Variants in CAMK2D observed in about 807,000 individuals in gnomAD.
CAMK2D encodes calcium/calmodulin-dependent protein kinase type II subunit delta.
A neutral mutation model predicts 84.0 loss-of-function variants in CAMK2D; 37 were observed. That is an observed-to-expected ratio of 0.44 (90% confidence interval 0.34 to 0.58). The LOEUF (loss-of-function observed/expected upper bound fraction) is 0.58, where lower values mean the gene tolerates loss of function less well. CAMK2D is among the 20% of genes least tolerant of loss of function. The pLI is 0.02. For synonymous variants in CAMK2D, 202 were observed against 212.5 expected (o/e 0.95, Z 0.43); for missense variants, 448 against 652.5 (o/e 0.69, Z 3.41).
intron 16 of CAMK2D, among the ~76,000 whole-genome samples, chr4:113,477,764 A>G (rs1435172319): frequency 2.7e-5 from 4 of 150,472 alleles, no homozygotes; most frequent in Non-Finnish European, 5.9e-5. Flanking sequence ...AAAAAAAAGA[A>G]TATTGGGGCC....
intron 4 of CAMK2D, among the ~76,000 whole-genome samples, chr4:113,570,186 T>C (rs750115224): frequency 1.1e-4 from 17 of 152,166 alleles, no homozygotes; most frequent in Non-Finnish European, 2.2e-4. Flanking sequence ...TGTTGTTTAA[T>C]TAAGTTCATA....
Position 113,662,621 on chromosome 4 carries a change from A to G in CAMK2D, c.161-849T>C, listed in dbSNP as rs146535667. On this transcript the variant is annotated intron_variant, in intron 2 of 20. Transcript: ENST00000511664. The stretch of plus-strand genomic sequence containing the variant: ...ACAACCACCATCTTATATTGGCAAT[A>G]TTATCCCTATTTTAAAATACAAATG... Among the ~76,000 whole-genome samples the G allele has an allele frequency of 1.2e-3, 176 of 152,272 alleles. 3 individuals carry two copies. Among genetic ancestry groups the G allele is most frequent in the African/African-American group, 4.2e-3 (173 of 41,566 alleles).
chr4:113,503,282 A>C (rs1314484585), intron 14 of CAMK2D: 1 of 608,000 alleles, frequency 1.6e-6, no homozygotes, highest in East Asian at 3.8e-5. Flanking sequence ...ACTTAATCCT[A>C]TGCTTTCCTT....
chr4:113,565,543 C>T (rs2154215539), intron 4 of CAMK2D, among the ~76,000 whole-genome samples: 1 of 151,378 alleles, frequency 6.6e-6, no homozygotes, highest in South Asian at 2.1e-4. Flanking sequence ...CCCAGCTACT[C>T]AGGAGGTTGA....
chr4:113,655,251 G>C (rs1181114954), intron 3 of CAMK2D, among the ~76,000 whole-genome samples: 1 of 152,028 alleles, frequency 6.6e-6, no homozygotes, highest in Non-Finnish European at 1.5e-5. Flanking sequence ...GTGGCCCAGT[G>C]AATCTATAGA....
At chr4:113,576,725 A>T (rs1400549397) in intron 4 of CAMK2D, among the ~76,000 whole-genome samples, 1 of 152,126 alleles carries the variant, frequency 6.6e-6, no homozygotes, top group African/African-American at 2.4e-5. Context: ...AATTTTTTTT[A>T]AAAGAGAATT....
chr4:113,507,317 C>T (rs1361716643), intron 13 of CAMK2D, among the ~76,000 whole-genome samples: 3 of 151,598 alleles, frequency 2.0e-5, no homozygotes, highest in Middle Eastern at 3.2e-3. Context: ...ATGGCGCGAT[C>T]TCGGCTCACT....
rs371023351 is a variant in CAMK2D at position 113,493,200 on chromosome 4, T to G, written c.1135+7263A>C. 8.7e-3 allele frequency among the ~76,000 whole-genome samples: 1,310 copies of G among 151,428 alleles called. 10 individuals are homozygous for G. Among genetic ancestry groups the G allele is most frequent in the African/African-American group, 0.03 (1,216 of 41,090 alleles). ...TCCTGTCATTATGATGTTAGCTGGTTATTTTGCTCGTTAGTTGATGCAGTT... is the reference window on the plus strand; with the variant it reads ...TCCTGTCATTATGATGTTAGCTGGTGATTTTGCTCGTTAGTTGATGCAGTT... On this transcript the variant is annotated intron_variant, in intron 16 of 20. Coordinates refer to ENST00000511664, the MANE Select transcript of CAMK2D (RefSeq NM_001321571.2).
At chr4:113,505,149 A>AGAT in intron 13 of CAMK2D, 114 bp from the exon 14 acceptor site, 1 of 505,966 alleles carries the variant, frequency 2.0e-6, no homozygotes, top group Non-Finnish European at 3.4e-6. Context: ...GAGCCACTGA[A>AGAT]GATGAACGTG....
chr4:113,579,297 A>C (rs1432055529), intron 4 of CAMK2D, among the ~76,000 whole-genome samples: 1 of 152,228 alleles, frequency 6.6e-6, no homozygotes, highest in Non-Finnish European at 1.5e-5. Flanking sequence ...CAATTCTCAA[A>C]GTAACATGAT....
intron 1 of CAMK2D, among the ~76,000 whole-genome samples, chr4:113,760,080 T>C (rs1672759086): frequency 6.6e-6 from 1 of 152,200 alleles, no homozygotes; most frequent in South Asian, 2.1e-4. Flanking sequence ...ATAAACGCAC[T>C]CCTTTCATAA....
At chr4:113,469,265 T>C (rs2097517314) in intron 16 of CAMK2D, among the ~76,000 whole-genome samples, 1 of 152,210 alleles carries the variant, frequency 6.6e-6, no homozygotes, top group Non-Finnish European at 1.5e-5. Context: ...TACTCAGGAA[T>C]GCAGTGATTA....
At chr4:113,729,352 T>C (rs1025642353) in intron 2 of CAMK2D, among the ~76,000 whole-genome samples, 1 of 152,200 alleles carries the variant, frequency 6.6e-6, no homozygotes, top group Non-Finnish European at 1.5e-5. Context: ...GGACCTTCCA[T>C]GACATAGCTT....
chr4:113,732,555 A>T (rs1307764913), intron 2 of CAMK2D, among the ~76,000 whole-genome samples: 1 of 152,198 alleles, frequency 6.6e-6, no homozygotes, highest in East Asian at 1.9e-4. Flanking sequence ...AATGATATTA[A>T]TTCACTATGG....
At chr4:113,575,434 T>C (rs762202242) in intron 4 of CAMK2D, among the ~76,000 whole-genome samples, 6 of 152,240 alleles carry the variant, frequency 3.9e-5, no homozygotes, top group Non-Finnish European at 8.8e-5. Context: ...AAATATACTT[T>C]AAATTTCTCT....
chr4:113,531,972 C>T (rs956648032), intron 7 of CAMK2D, among the ~76,000 whole-genome samples: 7 of 152,012 alleles, frequency 4.6e-5, no homozygotes, highest in Admixed American at 2.6e-4. Flanking sequence ...AAAATGTTTA[C>T]TTGAAACATA....
At chr4:113,751,702 C>T (rs1462945747) in intron 2 of CAMK2D, among the ~76,000 whole-genome samples, 1 of 151,742 alleles carries the variant, frequency 6.6e-6, no homozygotes, top group Admixed American at 6.6e-5. Context: ...CCTGGGAGGC[C>T]GAGGTTGCAG....
At chr4:113,521,409 T>C (rs2098357245) in intron 8 of CAMK2D, among the ~76,000 whole-genome samples, 1 of 152,200 alleles carries the variant, frequency 6.6e-6, no homozygotes, top group South Asian at 2.1e-4. Context: ...TTCTTTGTGG[T>C]ATGACAAGAT....
chr4:113,717,463 A>T (rs1229348418), intron 2 of CAMK2D, among the ~76,000 whole-genome samples: 1 of 152,158 alleles, frequency 6.6e-6, no homozygotes, highest in Non-Finnish European at 1.5e-5. Context: ...GAATTCTTAA[A>T]AAATTCCAGG....
Sources: gnomAD v4.1 joint callset for allele counts (sites outside exome capture counted in the v4.1 genomes callset) on GRCh38, gnomAD v4.1.1 for gene constraint, MANE v1.5 for transcripts, NCBI Gene and HGNC (gene_info 2026-07-23, HGNC 2026-07-21) for gene names.